Variants in CNPY1 observed in about 807,000 individuals in gnomAD.
The protein encoded by CNPY1 is protein canopy homolog 1.
Under a neutral mutation model 14.4 loss-of-function variants are expected in CNPY1, and 14 were observed. The observed-to-expected ratio is 0.97, with a 90% confidence interval of 0.64 to 1.52. The LOEUF (loss-of-function observed/expected upper bound fraction) is 1.52, where lower values mean the gene tolerates loss of function less well. Ranked by LOEUF, CNPY1 falls within the 40% of genes most tolerant of loss-of-function variation. The pLI is 0.00. For synonymous variants in CNPY1, 43 were observed against 46.5 expected (o/e 0.92, Z 0.31); for missense variants, 129 against 131.5 (o/e 0.98, Z 0.09).
rs71522007 is a variant in CNPY1, at chr7:155,520,428, C to CT, written c.100-11332dup. Among the ~76,000 whole-genome samples, 267 of 69,434 alleles carry CT rather than the reference C, an allele frequency of 3.8e-3. 9 individuals carry two copies. Among genetic ancestry groups the CT allele is most frequent in the Middle Eastern group, 0.013 (1 of 78 alleles). 45.6% of individuals were successfully genotyped at this position (69,434 alleles called of 152,430 possible). A position where few individuals can be genotyped will look rare whatever the true frequency, so the allele number is the denominator to read the frequency against. ...TTTCTTTTTCTTTCTTTCTTTCTTT[C>CT]TTTTTTTTTTTTTTTTTTTTTTTTT... On this transcript the variant is annotated intron_variant, in intron 2 of 4. Transcript: ENST00000636446.
intron 2 of CNPY1, among the ~76,000 whole-genome samples, chr7:155,512,625 G>A (rs1796551964): frequency 6.6e-6 from 1 of 152,156 alleles, no homozygotes; most frequent in South Asian, 2.1e-4. Context: ...ATGCCTCCAT[G>A]TTTGTTCATT....
chr7:155,502,076 G>A lies in CNPY1; in HGVS notation c.*992C>T, dbSNP rs1164858157. 6.6e-6 allele frequency: 1 copy of A among 152,096 alleles called. No individual in the cohort carries two copies. Among genetic ancestry groups the A allele is most frequent in the Non-Finnish European group, 1.5e-5 (1 of 68,030 alleles). The allele number at this position is 152,096 out of a possible 1,614,324, so 9.4% of individuals were successfully genotyped here. A position where few individuals can be genotyped will look rare whatever the true frequency, so the allele number is the denominator to read the frequency against. ...AATGAGAATCTCTTTTTAGAAACTG[G>A]TGTAGACCATACCCTGACATTTTTA... is the stretch of plus-strand genomic sequence containing the variant. On this transcript the variant is annotated 3_prime_UTR_variant, in exon 5 of 5. Coordinates refer to ENST00000636446, the MANE Select transcript of CNPY1 (RefSeq NM_001393663.1).
chr7:155,531,874 A>G (rs1245436623), intron 2 of CNPY1, among the ~76,000 whole-genome samples: 1 of 152,164 alleles, frequency 6.6e-6, no homozygotes, highest in African/African-American at 2.4e-5. Flanking sequence ...GAGCCACCTA[A>G]GCCCTGAGCC....
At chr7:155,512,802 G>A (rs1188944661) in intron 2 of CNPY1, among the ~76,000 whole-genome samples, 1 of 152,164 alleles carries the variant, frequency 6.6e-6, no homozygotes, top group Non-Finnish European at 1.5e-5. Flanking sequence ...TTATTTTGGA[G>A]TGTCCTTCAG....
At chr7:155,513,149 T>C (rs900621454) in intron 2 of CNPY1, among the ~76,000 whole-genome samples, 1 of 152,226 alleles carries the variant, frequency 6.6e-6, no homozygotes, top group African/African-American at 2.4e-5. Context: ...CTTCATATAA[T>C]ATGCAAATAG....
rs56296833 is a variant in CNPY1 at position 155,527,054 on chromosome 7, C to CTTTCTTTCTTTCTTTTT, written c.100-17958_100-17957insAAAAAGAAAGAAAGAAA. On this transcript the variant is annotated intron_variant, in intron 2 of 4. Coordinates refer to ENST00000636446, the MANE Select transcript of CNPY1 (RefSeq NM_001393663.1). ...TTTTTCTTTCTTTCTTTCTTTCTTT[C>CTTTCTTTCTTTCTTTTT]TTTTTTTTTTTTTTTTTGAGACAGT... is the stretch of plus-strand genomic sequence containing the variant. 1.6e-3 allele frequency among the ~76,000 whole-genome samples: 142 copies of CTTTCTTTCTTTCTTTTT among 90,352 alleles called. 2 individuals are homozygous for CTTTCTTTCTTTCTTTTT. The highest frequency in any genetic ancestry group is 6.7e-3 in the African/African-American group (133 of 19,812). The allele number at this position is 90,352 out of a possible 152,430, so 59.3% of individuals were successfully genotyped here.
In CNPY1 at chr7:155,508,893, C is replaced by A; in HGVS notation, c.303+1G>T. On this transcript the variant is annotated splice_donor_variant, in intron 3 of 4. Coordinates refer to ENST00000636446, the MANE Select transcript of CNPY1 (RefSeq NM_001393663.1). LOFTEE classifies it high-confidence loss of function. ...ATTCATCTGCAAGGAAGAGAGCTTA[C>A]CGCAAATTTCAAAGGTCTGTAAGCA... 1 of 1,613,006 alleles carries A rather than the reference C, an allele frequency of 6.2e-7. No individual in the cohort carries two copies. Among genetic ancestry groups the A allele is most frequent in the Non-Finnish European group, 8.5e-7 (1 of 1,179,758 alleles).
intron 2 of CNPY1, among the ~76,000 whole-genome samples, chr7:155,529,405 C>A (rs1255644839): frequency 6.6e-6 from 1 of 152,162 alleles, no homozygotes; most frequent in Non-Finnish European, 1.5e-5. Context: ...CAAGCTAGGG[C>A]CTTGAAACAA....
chr7:155,513,405 G>A (rs1049160751), intron 2 of CNPY1, among the ~76,000 whole-genome samples: 3 of 152,234 alleles, frequency 2.0e-5, no homozygotes, highest in African/African-American at 7.2e-5. Context: ...AATTTGTGGT[G>A]TCCATAAGAC....
intron 4 of CNPY1, among the ~76,000 whole-genome samples, chr7:155,504,689 AACACACACACACACACACACAC>A (rs61377945): frequency 4.1e-5 from 6 of 145,198 alleles, no homozygotes; most frequent in Non-Finnish European, 9.1e-5. Context: ...CATACCCCCC[AACACACACACACACACACACAC>A]ACACACACAC....
At chr7:155,530,401 G>C (rs1361907172) in intron 2 of CNPY1, among the ~76,000 whole-genome samples, 1 of 140,632 alleles carries the variant, frequency 7.1e-6, no homozygotes, top group Non-Finnish European at 1.5e-5. Flanking sequence ...CTGGGCCTAA[G>C]CAATCTTCCT....
Position 155,523,415 on chromosome 7 carries a change from C to T in CNPY1, c.100-14318G>A, listed in dbSNP as rs867234116. ...AAGGTCAATGTTAGGGTTTGTTTCC[C>T]GTAACATCTTCATTATTATCTGGAG... is the stretch of plus-strand genomic sequence containing the variant. On this transcript the variant is annotated intron_variant, in intron 2 of 4. Transcript: ENST00000636446. Among the ~76,000 whole-genome samples the T allele has an allele frequency of 4.6e-5, 7 of 152,280 alleles. No homozygotes were observed. In the South Asian group the frequency reaches 1.2e-3, roughly 27 times the overall value.
At chr7:155,525,284 G>A (rs1796799797) in intron 2 of CNPY1, among the ~76,000 whole-genome samples, 1 of 152,056 alleles carries the variant, frequency 6.6e-6, no homozygotes, top group Admixed American at 6.5e-5. Context: ...GGGTTCAAGC[G>A]ATTCTCCTGC....
In CNPY1 at chr7:155,502,794, A is replaced by G. The variant is rs1172895158; in HGVS notation, c.*274T>C. On this transcript the variant is annotated 3_prime_UTR_variant, in exon 5 of 5. Coordinates refer to ENST00000636446, the MANE Select transcript of CNPY1 (RefSeq NM_001393663.1). ...ATGTCTTCGCTTTTTTCCTCAATAC[A>G]GAATTAAATCCTCTATTGTCAAGCT... The G allele has an allele frequency of 1.8e-5, 8 of 454,392 alleles. No homozygotes were observed. In the South Asian group the frequency reaches 2.4e-4, roughly 13 times the overall value. The allele number at this position is 454,392 out of a possible 1,614,324, so 28.1% of individuals were successfully genotyped here. A position where few individuals can be genotyped will look rare whatever the true frequency, so the allele number is the denominator to read the frequency against.
intron 2 of CNPY1, among the ~76,000 whole-genome samples, chr7:155,531,446 T>A (rs1224107166): frequency 6.6e-6 from 1 of 152,192 alleles, no homozygotes; most frequent in Non-Finnish European, 1.5e-5. Context: ...ACAACTAATT[T>A]AGAAGTTTTA....
intron 2 of CNPY1, among the ~76,000 whole-genome samples, chr7:155,534,591 C>A (rs1157454995): frequency 2.6e-5 from 4 of 152,232 alleles, no homozygotes; most frequent in Admixed American, 2.6e-4. Flanking sequence ...TCTCAGCCTG[C>A]TCCACTCACA....
chr7:155,545,574 G>A (rs994575323), intron 2 of CNPY1, among the ~76,000 whole-genome samples: 25 of 152,240 alleles, frequency 1.6e-4, no homozygotes, highest in Non-Finnish European at 3.5e-4. Flanking sequence ...CCACAGACGC[G>A]CTATTTTTAT....
chr7:155,538,246 C>G (rs1223940606), intron 2 of CNPY1, among the ~76,000 whole-genome samples: 1 of 152,202 alleles, frequency 6.6e-6, no homozygotes, highest in East Asian at 1.9e-4. Flanking sequence ...TAGGGGTGAT[C>G]CCTGAAACTC....
At chr7:155,515,309 G>A (rs59509378) in intron 2 of CNPY1, among the ~76,000 whole-genome samples, 38,138 of 96,274 alleles carry the variant, frequency 0.4, 3,274 homozygotes, top group South Asian at 0.53. Context: ...CCCCCCCCCC[G>A]GCCCCGGCCA....
Sources: allele counts gnomAD v4.1 joint callset (sites outside exome capture counted in the v4.1 genomes callset), GRCh38; gene constraint gnomAD v4.1.1; transcripts MANE v1.5; gene names NCBI Gene and HGNC (gene_info 2026-07-23, HGNC 2026-07-21).